Variants in ABCB11 observed in about 807,000 individuals in gnomAD.
ABCB11 encodes the protein bile salt export pump.
A neutral mutation model predicts 148.0 loss-of-function variants in ABCB11; 95 were observed. That is an observed-to-expected ratio of 0.64 (90% CI 0.54 to 0.76). ABCB11 has a LOEUF of 0.76. ABCB11 is among the 30% of genes least tolerant of loss of function. The pLI is 0.00. For missense variants in ABCB11, 1,523 were observed against 1,617.8 expected, an observed-to-expected ratio of 0.94 and a Z score of 1.01; for synonymous variants, 591 against 555.4, an observed-to-expected ratio of 1.06 and a Z score of -0.90.
chr2:169,021,897 T>C (rs1695551977), intron 1 of ABCB11, among the ~76,000 whole-genome samples: 1 of 152,054 alleles, frequency 6.6e-6, no homozygotes, highest in Non-Finnish European at 1.5e-5. Context: ...TGAAAAACTA[T>C]GTATTTCTCT....
chr2:168,963,458 T>A (rs1467194973), intron 18 of ABCB11, among the ~76,000 whole-genome samples: 1 of 151,678 alleles, frequency 6.6e-6, no homozygotes, highest in South Asian at 2.1e-4. Flanking sequence ...AGGGCTGACA[T>A]GTAACGTGCA....
chr2:168,980,020 A>G lies in ABCB11; in HGVS notation c.1084-41T>C, dbSNP rs1380466862. 3.3e-6 allele frequency: 4 copies of G among 1,207,476 alleles called. No homozygotes were observed. In the African/African-American group the frequency reaches 4.5e-5, roughly 14 times the overall value. The allele number at this position is 1,207,476 out of a possible 1,614,324, so 74.8% of individuals were successfully genotyped here. ...AGAGATTTTTCATGTGTTTTTGTTA[A>G]TGTGTAAATAGTAATTACTATCATT... On this transcript the variant is annotated intron_variant, in intron 10 of 27. Coordinates refer to ENST00000650372, the MANE Select transcript of ABCB11 (RefSeq NM_003742.4).
intron 19 of ABCB11, among the ~76,000 whole-genome samples, chr2:168,955,898 C>T (rs1291459329): frequency 6.6e-6 from 1 of 151,636 alleles, no homozygotes; most frequent in Non-Finnish European, 1.5e-5. Context: ...AACAAAGGTG[C>T]TCCAGGCCAC....
intron 27 of ABCB11, among the ~76,000 whole-genome samples, 161 bp from the exon 28 acceptor site, chr2:168,923,983 A>G (rs1444294403): frequency 2.6e-5 from 4 of 152,220 alleles, no homozygotes; most frequent in African/African-American, 9.6e-5. Flanking sequence ...CCCTGAATGC[A>G]ATGCATCAGT....
At chr2:168,935,543 T>C (rs1006130054) in intron 22 of ABCB11, 118 bp from the exon 23 acceptor site, 44 of 1,315,890 alleles carry the variant, frequency 3.3e-5, no homozygotes, top group Non-Finnish European at 4.4e-5. Flanking sequence ...AATCAGAGAA[T>C]GCATCATCTG....
chr2:169,028,372 G>A (rs530647309), intron 1 of ABCB11, among the ~76,000 whole-genome samples: 1 of 152,202 alleles, frequency 6.6e-6, no homozygotes, highest in Admixed American at 6.5e-5. Flanking sequence ...ATGCAGAGGA[G>A]CTGCCTTGTC....
chr2:168,992,064 T>C (rs898658229), intron 8 of ABCB11, among the ~76,000 whole-genome samples: 7 of 151,386 alleles, frequency 4.6e-5, no homozygotes, highest in Non-Finnish European at 1.0e-4. Context: ...TTACCAAGAC[T>C]GGAAGCTGTT....
intron 1 of ABCB11, among the ~76,000 whole-genome samples, chr2:169,018,966 A>T (rs961523159): frequency 2.0e-5 from 3 of 152,142 alleles, no homozygotes; most frequent in African/African-American, 7.2e-5. Context: ...CAGCGTCTGG[A>T]TGCTGACGAG....
chr2:168,944,829 T>A, intron 20 of ABCB11, 28 bp downstream of exon 20: 1 of 1,606,046 alleles, frequency 6.2e-7, no homozygotes, highest in South Asian at 1.1e-5. Context: ...AATAACTAAA[T>A]CACTTACTGA....
chr2:169,019,489 A>G (rs1197326868), intron 1 of ABCB11, among the ~76,000 whole-genome samples: 2 of 152,204 alleles, frequency 1.3e-5, no homozygotes, highest in African/African-American at 4.8e-5. Context: ...AAATTTGCAT[A>G]TACCAAAATC....
At chr2:169,028,701 C>A (rs1695774505) in intron 1 of ABCB11, among the ~76,000 whole-genome samples, 1 of 151,894 alleles carries the variant, frequency 6.6e-6, no homozygotes, top group Non-Finnish European at 1.5e-5. Flanking sequence ...AGGATATGAT[C>A]AAATTTATAC....
chr2:169,007,466 G>T (rs1334123218), intron 5 of ABCB11, among the ~76,000 whole-genome samples: 1 of 152,156 alleles, frequency 6.6e-6, no homozygotes, highest in Non-Finnish European at 1.5e-5. Context: ...AATTCTGCAG[G>T]CTGTACAGGA....
intron 9 of ABCB11, among the ~76,000 whole-genome samples, chr2:168,988,157 C>G (rs950317572): frequency 2.0e-5 from 3 of 152,102 alleles, no homozygotes; most frequent in Admixed American, 6.6e-5. Flanking sequence ...TCACCATGAA[C>G]TAAATTAAAA....
intron 11 of ABCB11, among the ~76,000 whole-genome samples, chr2:168,977,840 G>A (rs1693977287): frequency 6.6e-6 from 1 of 152,106 alleles, no homozygotes; most frequent in African/African-American, 2.4e-5. Flanking sequence ...CACAAGAACA[G>A]CATGGGGGAA....
chr2:168,943,511 A>G (rs1692162881), intron 21 of ABCB11, among the ~76,000 whole-genome samples: 1 of 152,050 alleles, frequency 6.6e-6, no homozygotes, highest in Non-Finnish European at 1.5e-5. Flanking sequence ...TTAAAAATCT[A>G]CTGTAGAAGA....
intron 21 of ABCB11, among the ~76,000 whole-genome samples, chr2:168,939,232 A>G (rs1280760143): frequency 6.6e-6 from 1 of 151,732 alleles, no homozygotes; most frequent in Non-Finnish European, 1.5e-5. Flanking sequence ...TATAATTAAA[A>G]AAGAAAAAGA....
chr2:168,975,368 T>C (rs1397568963), intron 12 of ABCB11, among the ~76,000 whole-genome samples: 2 of 70,052 alleles, frequency 2.9e-5, no homozygotes, highest in African/African-American at 1.3e-4. Context: ...AATATATAAA[T>C]ATATAAATAT....
chr2:168,940,905 G>A (rs1692033154), intron 21 of ABCB11, among the ~76,000 whole-genome samples: 2 of 152,082 alleles, frequency 1.3e-5, no homozygotes, highest in Admixed American at 1.3e-4. Context: ...ATAAAGGCTG[G>A]ATGACAGCAC....
In ABCB11 at chr2:169,018,073, T is replaced by C. The variant is rs1695419056; in HGVS notation, c.53A>G (p.Asp18Gly). Reference sequence around the variant, plus strand: ...ACATGATTTATCTGACTCAAAACCATCATTCTCCTCTCCAAATTTCTTTAT... The same window carrying C: ...ACATGATTTATCTGACTCAAAACCACCATTCTCCTCTCCAAATTTCTTTAT... ...RSIKKFGEEN[D>G]GFESDKSYNN... Residue 18 changes from aspartate to glycine, a missense_variant, in exon 2 of 28, where the codon GAT becomes GGT. Coordinates refer to ENST00000650372, the MANE Select transcript of ABCB11 (RefSeq NM_003742.4). 6.2e-7 allele frequency: 1 copy of C among 1,613,464 alleles called. No individual in the cohort carries two copies.
Sources: gnomAD v4.1 joint callset for allele counts (sites outside exome capture counted in the v4.1 genomes callset) on GRCh38, gnomAD v4.1.1 for gene constraint, MANE v1.5 for transcripts, NCBI Gene and HGNC (gene_info 2026-07-23, HGNC 2026-07-21) for gene names.